Variants in ZC3H4 observed in about 807,000 individuals in gnomAD.
ZC3H4 encodes the protein zinc finger CCCH-type containing 4, also known as zinc finger CCCH domain-containing protein 4.
A neutral mutation model predicts 108.3 loss-of-function variants in ZC3H4; 13 were observed. The ratio of observed to expected loss-of-function variants is 0.12; its 90% CI spans 0.08 to 0.19. ZC3H4 has a LOEUF of 0.19. Among genes scored for constraint, ZC3H4 ranks in the 10% least tolerant of loss-of-function variants. The pLI, the probability that ZC3H4 is intolerant of heterozygous loss-of-function variation, is 1.00. For missense variants in ZC3H4, 1,734 were observed against 1,838.8 expected (o/e 0.94, Z 1.04); for synonymous variants, 917 against 749.6 (o/e 1.22, Z -3.65).
chr19:47,085,059 C>T lies in ZC3H4; in HGVS notation c.1104G>A (p.Met368Ile). 7 of 1,614,200 alleles carry T rather than the reference C, an allele frequency of 4.3e-6. No homozygotes were observed. The highest frequency in any genetic ancestry group is 5.9e-6 in the Non-Finnish European group (7 of 1,180,020). Reference sequence around the variant, plus strand: ...GATCAGAGTGGAGTCAACTCACGCCCATGTCCTCGTCATAGAAGTCTTCGT... The same window carrying T: ...GATCAGAGTGGAGTCAACTCACGCCTATGTCCTCGTCATAGAAGTCTTCGT... ...NDDEDFYDEDMGDGGGGSYRS... is the reference protein window; with the variant it reads ...NDDEDFYDEDIGDGGGGSYRS... The change falls in exon 8 of 15, where the codon ATG (methionine) becomes ATA (isoleucine). Residue 368 changes from methionine (M) to isoleucine (I), a missense_variant. Met to Ile is a conservative substitution (Grantham distance 10). Coordinates refer to ENST00000253048, the MANE Select transcript of ZC3H4 (RefSeq NM_015168.2).
At chr19:47,110,930 C>A (rs1243868218) in intron 2 of ZC3H4, 3 of 984,964 alleles carry the variant, frequency 3.0e-6, no homozygotes, top group Non-Finnish European at 3.6e-6. Context: ...ATGTGGGTGG[C>A]ATTTCTTTTA....
rs1284803577 is a variant in ZC3H4 at position 47,067,064 on chromosome 19, G to A, written c.3204C>T (p.Pro1068=). The change falls in exon 15 of 15, where the codon CCC becomes CCT. Residue 1068 remains proline (P), a synonymous_variant. Transcript: ENST00000253048. This position sits in a 1 kb window ranked among gnomAD's most constrained non-coding sequence, Gnocchi z 6.4. ...GGGCCTTCCGCACCCGGGGGTCACT[G>A]GGTTTGTCGCTGGAACCGGGGGCGG... The part of the protein sequence containing the change: ...SSAAPGSSDK[P]SDPRVRKAPT... 1 of 1,609,112 alleles carries A rather than the reference G, an allele frequency of 6.2e-7. No individual in the cohort carries two copies. Among genetic ancestry groups the A allele is most frequent in the African/African-American group, 1.3e-5 (1 of 74,874 alleles).
At position 47,067,231 on chromosome 19, in the gene ZC3H4, G is replaced by A. The variant is rs1387260896; in HGVS notation, c.3037C>T (p.His1013Tyr). 4.4e-6 allele frequency: 7 copies of A among 1,605,902 alleles called. No homozygotes were observed. Among genetic ancestry groups the A allele is most frequent in the African/African-American group, 1.3e-5 (1 of 74,680 alleles). The change falls in exon 15 of 15, where the codon CAC becomes TAC. Residue 1013 changes from histidine (H) to tyrosine (Y), a missense_variant. Physicochemically the swap from His to Tyr is moderately conservative, Grantham distance 83. Transcript: ENST00000253048. The surrounding 1 kb of genome is among the most constrained non-coding windows in gnomAD (Gnocchi z 6.4). ...QSMPTLDPRL[H>Y]RAATAGPPNA... The stretch of plus-strand genomic sequence containing the variant: ...GGGGGCCCTGCCGTGGCAGCGCGGT[G>A]CAGCCGGGGGTCCAGGGTGGGCATG...
At chr19:47,112,086 C>G (rs1190189271) in intron 2 of ZC3H4, 10 of 1,018,066 alleles carry the variant, frequency 9.8e-6, no homozygotes, top group South Asian at 9.3e-5. Context: ...CAGCACCCCC[C>G]ACGGCGCCCC....
At position 47,067,313 on chromosome 19, in the gene ZC3H4, G is replaced by C. The variant is rs778450349; in HGVS notation, c.2955C>G (p.Ile985Met). The part of the protein sequence containing the change: ...RTVLWNPEDL[I>M]PLPIPKQDAV... ...CGTCCTGCTTGGGGATGGGTAGGGG[G>C]ATCAGGTCCTCGGGATTCCAGAGCA... is the stretch of plus-strand genomic sequence containing the variant. Residue 985 changes from isoleucine (I) to methionine (M), a missense_variant, in exon 15 of 15, where the codon ATC (isoleucine) becomes ATG (methionine). Ile to Met is a conservative substitution (Grantham distance 10, BLOSUM62 1). Coordinates refer to ENST00000253048, the MANE Select transcript of ZC3H4 (RefSeq NM_015168.2). This position sits in a 1 kb window ranked among gnomAD's most constrained non-coding sequence, Gnocchi z 6.4. The C allele has an allele frequency of 1.9e-6, 3 of 1,595,458 alleles. No individual in the cohort carries two copies. The Admixed American group carries it at 5.1e-5, about 27-fold the overall frequency.
At chr19:47,100,405 G>A (rs2057887947) in intron 2 of ZC3H4, among the ~76,000 whole-genome samples, 1 of 152,040 alleles carries the variant, frequency 6.6e-6, no homozygotes, top group Non-Finnish European at 1.5e-5. Context: ...ATCATAGCCT[G>A]CTCTGTGACA....
intron 11 of ZC3H4, among the ~76,000 whole-genome samples, chr19:47,073,345 A>G (rs1236640482): frequency 6.6e-6 from 1 of 151,934 alleles, no homozygotes; most frequent in African/African-American, 2.4e-5. Context: ...TGAGGTGGGC[A>G]GATCACCTGA....
intron 1 of ZC3H4, chr19:47,113,126 G>C (rs2058062397): frequency 6.6e-6 from 1 of 152,600 alleles, no homozygotes; most frequent in African/African-American, 2.4e-5. Context: ...TGGCGGCTCG[G>C]CCCGAACCAG....
At chr19:47,088,555 A>G (rs923776456) in intron 5 of ZC3H4, among the ~76,000 whole-genome samples, 24 of 151,682 alleles carry the variant, frequency 1.6e-4, no homozygotes, top group Non-Finnish European at 2.7e-4. Flanking sequence ...TCAAAAAAAA[A>G]AGAAAGAATT....
In ZC3H4 at chr19:47,094,063, G is replaced by A. The variant is rs571171454; in HGVS notation, c.399C>T (p.Ser133=). ...KSKHKRHASS[S]DDFSDFSDDS... Reference sequence around the variant, plus strand: ...CATCTGAGAAGTCAGAGAAGTCATCGCTAGAAGAAGCATGGCGCTGTAATG... The same window carrying A: ...CATCTGAGAAGTCAGAGAAGTCATCACTAGAAGAAGCATGGCGCTGTAATG... The change falls in exon 4 of 15, where the codon AGC becomes AGT. Residue 133 remains serine, a synonymous_variant. Transcript: ENST00000253048. 95 of 1,614,114 alleles carry A rather than the reference G, an allele frequency of 5.9e-5. No individual in the cohort carries two copies. The highest frequency in any genetic ancestry group is 4.3e-4 in the Admixed American group (26 of 60,018).
intron 3 of ZC3H4, 152 bp downstream of exon 3, chr19:47,094,237 T>C: frequency 1.8e-6 from 2 of 1,094,466 alleles, no homozygotes; most frequent in Non-Finnish European, 2.7e-6. Context: ...AAGCATAAGC[T>C]ACCAACTCTT....
At position 47,071,984 on chromosome 19, in the gene ZC3H4, T is replaced by A; in HGVS notation, c.1940A>T (p.Asp647Val). ...HPDMHPDMHA[D>V]MHADMPMGPG... is the part of the protein sequence containing the mutation. ...GCCCATCGGCATGTCTGCGTGCATG[T>A]CTGCGTGCATGTCAGGGTGCATGTC... Residue 647 changes from aspartate (D) to valine (V), a missense_variant, in exon 13 of 15, where the codon GAC (aspartate) becomes GTC (valine). Physicochemically the swap from Asp to Val is radical, Grantham distance 152. Transcript: ENST00000253048. 1 of 1,607,324 alleles carries A rather than the reference T, an allele frequency of 6.2e-7. No individual in the cohort carries two copies. The highest frequency in any genetic ancestry group is 8.5e-7 in the Non-Finnish European group (1 of 1,176,724).
rs1382862257 is a variant in ZC3H4 at position 47,066,812 on chromosome 19, C to T, written c.3456G>A (p.Arg1152=). The T allele has an allele frequency of 1.9e-6, 3 of 1,600,484 alleles. No individual in the cohort carries two copies. Among genetic ancestry groups the T allele is most frequent in the Non-Finnish European group, 2.5e-6 (3 of 1,179,020 alleles). ...VLSGISLYDP[R]TPNAGGKATE... ...TGGCTTTGCCCCCCGCGTTGGGAGT[C>T]CTCGGGTCGTAGAGGCTGATACCGC... The change falls in exon 15 of 15, where the codon AGG becomes AGA. Residue 1152 remains arginine, a synonymous_variant. Transcript: ENST00000253048.
intron 14 of ZC3H4, among the ~76,000 whole-genome samples, chr19:47,068,608 A>G (rs1042681384): frequency 3.3e-5 from 5 of 151,978 alleles, no homozygotes; most frequent in Non-Finnish European, 7.4e-5. Flanking sequence ...CTCTGGCTTC[A>G]GGATCTAGAC....
intron 14 of ZC3H4, among the ~76,000 whole-genome samples, chr19:47,068,260 C>A (rs943569979): frequency 3.3e-5 from 5 of 152,240 alleles, no homozygotes; most frequent in Non-Finnish European, 7.3e-5. Flanking sequence ...TGTTTCCTCC[C>A]GCCCACCTCC....
rs755028269 is a variant in ZC3H4 at position 47,067,626 on chromosome 19, C to T, written c.2642G>A (p.Gly881Asp). The change falls in exon 15 of 15, where the codon GGC (glycine) becomes GAC (aspartate). Residue 881 changes from glycine (G) to aspartate (D), a missense_variant. Physicochemically the swap from Gly to Asp is moderately conservative, Grantham distance 94 (BLOSUM62 -1). Around this residue, in one of 9 missense-constraint regions of ZC3H4, gnomAD observed 540 missense variants for 484.1 expected, o/e 1.12. Transcript: ENST00000253048. This position sits in a 1 kb window ranked among gnomAD's most constrained non-coding sequence, Gnocchi z 6.4. ...ATCGGAGGGTCCCGAATCACCTGGG[C>T]CAGACCCGCCAGAAGCCTCCACATG... ...TRHVEASGGS[G>D]PGDSGPSDPR... 6.2e-7 allele frequency: 1 copy of T among 1,603,746 alleles called. No individual in the cohort carries two copies. The highest frequency in any genetic ancestry group is 1.3e-5 in the African/African-American group (1 of 74,990).
chr19:47,067,056 G>A lies in ZC3H4; in HGVS notation c.3212C>T (p.Pro1071Leu). The A allele has an allele frequency of 6.2e-7, 1 of 1,607,974 alleles. No individual in the cohort carries two copies. Among genetic ancestry groups the A allele is most frequent in the Non-Finnish European group, 8.5e-7 (1 of 1,177,266 alleles). Residue 1071 changes from proline (P) to leucine (L), a missense_variant, in exon 15 of 15, where the codon CCC becomes CTC. This residue lies in a region of ZC3H4 where 518 missense variants were observed against 499.6 expected (regional missense o/e 1.04). Transcript: ENST00000253048. The surrounding 1 kb of genome is among the most constrained non-coding windows in gnomAD (Gnocchi z 6.4). Reference protein sequence around the residue: ...APGSSDKPSDPRVRKAPTDPR... With the variant: ...APGSSDKPSDLRVRKAPTDPR... Reference sequence around the variant, plus strand: ...GTCGGTGGGGGCCTTCCGCACCCGGGGGTCACTGGGTTTGTCGCTGGAACC... The same window carrying A: ...GTCGGTGGGGGCCTTCCGCACCCGGAGGTCACTGGGTTTGTCGCTGGAACC...
At chr19:47,113,086 C>T (rs897628379) in intron 1 of ZC3H4, among the ~76,000 whole-genome samples, 3 of 152,248 alleles carry the variant, frequency 2.0e-5, no homozygotes, top group Admixed American at 6.5e-5. Flanking sequence ...GGCTGCCCGG[C>T]CCCCGCCGCA....
intron 13 of ZC3H4, among the ~76,000 whole-genome samples, chr19:47,070,832 C>T (rs753240773): frequency 1.2e-4 from 18 of 152,312 alleles, no homozygotes; most frequent in Middle Eastern, 3.4e-3. Flanking sequence ...TCCTCAATGC[C>T]GCTCCTGCCC....
Sources: allele counts gnomAD v4.1 joint callset (sites outside exome capture counted in the v4.1 genomes callset), GRCh38; gene constraint gnomAD v4.1.1; regional missense constraint gnomAD v4.1.1; non-coding constraint Gnocchi (gnomAD v3.1); transcripts MANE v1.5; gene names NCBI Gene and HGNC (gene_info 2026-07-23, HGNC 2026-07-21).